SBNO2: variants seen among roughly 807,000 people sequenced by gnomAD.
SBNO2 encodes strawberry notch homolog 2.
Under a neutral mutation model 146.3 loss-of-function variants are expected in SBNO2, and 89 were observed. That is an observed-to-expected ratio of 0.61 (90% CI 0.51 to 0.73). The LOEUF (loss-of-function observed/expected upper bound fraction) is 0.73. Ranked by LOEUF, SBNO2 falls within the 30% of genes least tolerant of loss-of-function variation. SBNO2 has a pLI of 0.00. For missense variants in SBNO2, 2,092 were observed against 2,003.7 expected (o/e 1.04, Z -0.84); for synonymous variants, 1,147 against 892.6 (o/e 1.29, Z -5.08).
intron 19 of SBNO2, 109 bp downstream of exon 19, chr19:1,113,426 A>T (rs2145197055): frequency 9.9e-7 from 1 of 1,008,482 alleles, no homozygotes; most frequent in Non-Finnish European, 1.4e-6. Flanking sequence ...AGGGCCGCGG[A>T]GACGCAGAGT....
At position 1,119,151 on chromosome 19, in the gene SBNO2, T is replaced by C. The variant is rs1262050839; in HGVS notation, c.1387A>G (p.Met463Val). The change falls in exon 14 of 32, where the codon ATG becomes GTG. Residue 463 changes from methionine to valine, a missense_variant. Physicochemically the swap from Met to Val is conservative, Grantham distance 21. Coordinates refer to ENST00000361757, the MANE Select transcript of SBNO2 (RefSeq NM_014963.3). ...HAIEKRGVGA[M>V]EIVAMDMKVS... ...TTCATGTCCATGGCCACGATCTCCA[T>C]GGCGCCAACGCCCCTGCGGATGGAC... 3 of 1,600,196 alleles carry C rather than the reference T, an allele frequency of 1.9e-6. No individual in the cohort carries two copies. Among genetic ancestry groups the C allele is most frequent in the African/African-American group, 1.3e-5 (1 of 74,794 alleles).
At chr19:1,145,533 G>A (rs2080182030) in intron 4 of SBNO2, among the ~76,000 whole-genome samples, 1 of 151,864 alleles carries the variant, frequency 6.6e-6, no homozygotes, top group Non-Finnish European at 1.5e-5. Context: ...GAAAGAGGCA[G>A]AGAAGGGGTG....
Position 1,158,238 on chromosome 19 carries a change from TCG to T in SBNO2, c.-126-3838_-126-3837del, listed in dbSNP as rs2080310737. On this transcript the variant is annotated intron_variant, in intron 1 of 31. Coordinates refer to ENST00000361757, the MANE Select transcript of SBNO2 (RefSeq NM_014963.3). The surrounding 1 kb of genome is among the most constrained non-coding windows in gnomAD (Gnocchi z 9.9). ...TGAGCACCTGTCGTGTGGAGCCCCT[TCG>T]CGCGCTCCGCCCTCAGACCCGAGCC... 1.3e-5 allele frequency among the ~76,000 whole-genome samples: 2 copies of T among 152,150 alleles called. No homozygotes were observed. The highest frequency in any genetic ancestry group is 4.8e-5 in the African/African-American group (2 of 41,438).
In SBNO2 at chr19:1,122,940, C is replaced by A; in HGVS notation, c.734G>T (p.Gly245Val). 16 of 1,559,518 alleles carry A rather than the reference C, an allele frequency of 1.0e-5. No individual in the cohort carries two copies. Among genetic ancestry groups the A allele is most frequent in the Non-Finnish European group, 1.4e-5 (16 of 1,152,390 alleles). The change falls in exon 8 of 32, where the codon GGG (glycine) becomes GTG (valine). Residue 245 changes from glycine to valine, a missense_variant. Physicochemically the swap from Gly to Val is moderately radical, Grantham distance 109 (BLOSUM62 -3). Transcript: ENST00000361757. ...TYTLALPSDS[G>V]ALSALQLEAI... is the part of the protein sequence containing the mutation. The stretch of plus-strand genomic sequence containing the variant: ...CTCTAGCTGCAGGGCAGACAGGGCC[C>A]CGCTGTCCGAGGGCAGGGCCAGGGT...
At chr19:1,161,628 G>A (rs776549325) in intron 1 of SBNO2, among the ~76,000 whole-genome samples, 6 of 151,722 alleles carry the variant, frequency 4.0e-5, no homozygotes, top group African/African-American at 1.5e-4. Context: ...TCTTGGGCCC[G>A]ATGAAGCGGG....
At chr19:1,164,933 CAGGAGGAGGAGGAGGAGGAA>C in intron 1 of SBNO2, among the ~76,000 whole-genome samples, 1 of 7,476 alleles carries the variant, frequency 1.3e-4, no homozygotes, top group Non-Finnish European at 2.8e-4. Flanking sequence ...GGAGGAGGCA[CAGGAGGAGGAGGAGGAGGAA>C]CAGGAGGAGG....
intron 1 of SBNO2, among the ~76,000 whole-genome samples, chr19:1,169,374 C>A (rs2080456505): frequency 6.6e-6 from 1 of 152,248 alleles, no homozygotes; most frequent in Admixed American, 6.5e-5. Flanking sequence ...AGCTTCAGGG[C>A]CACGCTGCCA....
rs78026836 is a variant in SBNO2 at position 1,111,630 on chromosome 19, G to C, written c.2701-16C>G. The C allele has an allele frequency of 2.8e-3, 4,300 of 1,553,698 alleles. 92 individuals carry two copies. In the African/African-American group the frequency reaches 0.047, roughly 17 times the overall value. ...GGGTGCCATACTAGGGGGAGAAGGT[G>C]ACTCGGGGAGGAGGCCCAGGGAGGA... On this transcript the variant is annotated splice_polypyrimidine_tract_variant and intron_variant, in intron 23 of 31. Transcript: ENST00000361757.
Position 1,123,017 on chromosome 19 carries a change from G to T in SBNO2, c.657C>A (p.Arg219=). 2.5e-6 allele frequency: 4 copies of T among 1,590,106 alleles called. No individual in the cohort carries two copies. Among genetic ancestry groups the T allele is most frequent in the Non-Finnish European group, 3.4e-6 (4 of 1,168,896 alleles). The change falls in exon 8 of 32, where the codon CGC becomes CGA. Residue 219 remains arginine, a synonymous_variant. Coordinates refer to ENST00000361757, the MANE Select transcript of SBNO2 (RefSeq NM_014963.3). ...KSKIGKQHPD[R]VVETSTLSSV... ...TGGACAGTGTGCTGGTCTCCACCACGCGGTCTGGGTGCTGCTTCCCGATCT... is the reference window on the plus strand; with the variant it reads ...TGGACAGTGTGCTGGTCTCCACCACTCGGTCTGGGTGCTGCTTCCCGATCT...
chr19:1,122,799 C>T lies in SBNO2; in HGVS notation c.781-8G>A, dbSNP rs1428525799. 5 of 1,537,950 alleles carry T rather than the reference C, an allele frequency of 3.3e-6. No homozygotes were observed. The highest frequency in any genetic ancestry group is 1.2e-5 in the South Asian group (1 of 83,984). On this transcript the variant is annotated splice_region_variant and splice_polypyrimidine_tract_variant and intron_variant, in intron 8 of 31. Coordinates refer to ENST00000361757, the MANE Select transcript of SBNO2 (RefSeq NM_014963.3). ...GAGCAGGACCTCGTGTTGCTGTTGC[C>T]GGAGAGCAGGCGTCAGGGCCTGGGG...
In SBNO2 at chr19:1,122,654, T is replaced by G. The variant is rs998373664; in HGVS notation, c.914+4A>C. ...CCCGCCCCCTGCCCCAGGCAGGGCC[T>G]CACCACAATGCTTTCTTCCGGCCGC... is the stretch of plus-strand genomic sequence containing the variant. On this transcript the variant is annotated splice_donor_region_variant and intron_variant, in intron 9 of 31. Coordinates refer to ENST00000361757, the MANE Select transcript of SBNO2 (RefSeq NM_014963.3). 4.5e-6 allele frequency: 6 copies of G among 1,329,430 alleles called. No individual in the cohort carries two copies. The African/African-American group carries it at 8.3e-5, about 18-fold the overall frequency. 82.4% of individuals were successfully genotyped at this position (1,329,430 alleles called of 1,614,324 possible).
At chr19:1,119,370 C>T (rs2079871727) in intron 13 of SBNO2, 146 bp downstream of exon 13, 2 of 853,878 alleles carry the variant, frequency 2.3e-6, no homozygotes, top group East Asian at 2.7e-5. Context: ...TGCTGGGCAG[C>T]CCGAGGCAGT....
Position 1,119,627 on chromosome 19 carries a change from G to A in SBNO2, c.1268-6C>T. On this transcript the variant is annotated splice_polypyrimidine_tract_variant and splice_region_variant and intron_variant, in intron 12 of 31. Transcript: ENST00000361757. Reference sequence around the variant, plus strand: ...GTTCCGAGGCTCAGAGGCACCTGTGGGGGGAAGCTGCCGTCAGCTCCCCAA... The same window carrying A: ...GTTCCGAGGCTCAGAGGCACCTGTGAGGGGAAGCTGCCGTCAGCTCCCCAA... 6.2e-7 allele frequency: 1 copy of A among 1,601,446 alleles called. No homozygotes were observed. The highest frequency in any genetic ancestry group is 8.5e-7 in the Non-Finnish European group (1 of 1,173,936).
chr19:1,119,619 C>T lies in SBNO2; in HGVS notation c.1270G>A (p.Ala424Thr). The change falls in exon 13 of 32, where the codon GCC becomes ACC. Residue 424 changes from alanine to threonine, a missense_variant and splice_region_variant. Physicochemically the swap from Ala to Thr is moderately conservative, Grantham distance 58. Transcript: ENST00000361757. ...ARVVYASATG[A>T]SEPRNMIYMS... is the part of the protein sequence containing the mutation. ...TAGATCATGTTCCGAGGCTCAGAGGCACCTGTGGGGGGAAGCTGCCGTCAG... is the reference window on the plus strand; with the variant it reads ...TAGATCATGTTCCGAGGCTCAGAGGTACCTGTGGGGGGAAGCTGCCGTCAG... 6.2e-7 allele frequency: 1 copy of T among 1,605,596 alleles called. No individual in the cohort carries two copies. The highest frequency in any genetic ancestry group is 8.5e-7 in the Non-Finnish European group (1 of 1,176,322).
At position 1,112,827 on chromosome 19, in the gene SBNO2, G is replaced by A. The variant is rs1365369855; in HGVS notation, c.2370C>T (p.Ser790=). The A allele has an allele frequency of 2.5e-6, 4 of 1,572,312 alleles. No homozygotes were observed. The highest frequency in any genetic ancestry group is 2.4e-5 in the East Asian group (1 of 42,312). Residue 790 remains serine, a synonymous_variant, in exon 20 of 32, where the codon AGC becomes AGT. Transcript: ENST00000361757. This position sits in a 1 kb window ranked among gnomAD's most constrained non-coding sequence, Gnocchi z 5.9. The stretch of plus-strand genomic sequence containing the variant: ...CACTGCAGCCCCGCACCTTCTCGCC[G>A]CTCATGAAGCGCTGCTTCTCCCTGA... ...VNLREKQRFM[S]GEKLVAIISE...
Position 1,173,870 on chromosome 19 carries a change from G to C in SBNO2, c.-127+302C>G, listed in dbSNP as rs953499749. Reference sequence around the variant, plus strand: ...GAAGAGCGGGAAGGAAAGGTTGGGAGGGTTGTCGTGGAAGGTAGGGTTAAG... The same window carrying C: ...GAAGAGCGGGAAGGAAAGGTTGGGACGGTTGTCGTGGAAGGTAGGGTTAAG... On this transcript the variant is annotated intron_variant, in intron 1 of 31. Transcript: ENST00000361757. This position sits in a 1 kb window ranked among gnomAD's most constrained non-coding sequence, Gnocchi z 4.7. The C allele has an allele frequency of 6.6e-6, 1 of 151,828 alleles. No individual in the cohort carries two copies. The highest frequency in any genetic ancestry group is 2.1e-4 in the South Asian group (1 of 4,806). The allele number at this position is 151,828 out of a possible 1,614,324, so 9.4% of individuals were successfully genotyped here. A position where few individuals can be genotyped will look rare whatever the true frequency, so the allele number is the denominator to read the frequency against.
At chr19:1,148,338 G>T (rs2080213761) in intron 3 of SBNO2, among the ~76,000 whole-genome samples, 1 of 152,078 alleles carries the variant, frequency 6.6e-6, no homozygotes, top group African/African-American at 2.4e-5. Context: ...CAATCTCCTG[G>T]AGTCTCCCAA....
chr19:1,112,257 A>G lies in SBNO2; in HGVS notation c.2560T>C (p.Phe854Leu). 6.9e-6 allele frequency: 11 copies of G among 1,593,542 alleles called. No individual in the cohort carries two copies. Among genetic ancestry groups the G allele is most frequent in the Non-Finnish European group, 9.4e-6 (11 of 1,170,584 alleles). ...TCCCCGGCCAGCTCCGAGATGAGGA[A>G]GACATACTCTGGCGCGGAGACCTGG... Reference protein sequence around the residue: ...SNQVSAPEYVFLISELAGERR... With the variant: ...SNQVSAPEYVLLISELAGERR... The change falls in exon 22 of 32, where the codon TTC (phenylalanine) becomes CTC (leucine). Residue 854 changes from phenylalanine (F) to leucine (L), a missense_variant. By Grantham distance (22) the Phe-to-Leu change is conservative. Transcript: ENST00000361757. The surrounding 1 kb of genome is among the most constrained non-coding windows in gnomAD (Gnocchi z 5.9).
chr19:1,122,906 G>A lies in SBNO2; in HGVS notation c.768C>T (p.Thr256=), dbSNP rs984473540. The A allele has an allele frequency of 5.8e-6, 9 of 1,550,816 alleles. No individual in the cohort carries two copies. Among genetic ancestry groups the A allele is most frequent in the Admixed American group, 2.0e-5 (1 of 51,222 alleles). ...GACATGCGGTCACCTGGCAGGCGTA[G>A]GTGATGGCCTCTAGCTGCAGGGCAG... ...ALSALQLEAI[T]YACQQHEVLL... is the part of the protein sequence containing the mutation. Residue 256 remains threonine (T), a synonymous_variant, in exon 8 of 32, where the codon ACC becomes ACT. Transcript: ENST00000361757.
Sources: gnomAD v4.1 joint callset for allele counts (sites outside exome capture counted in the v4.1 genomes callset) on GRCh38, gnomAD v4.1.1 for gene constraint, Gnocchi (gnomAD v3.1) non-coding constraint, MANE v1.5 for transcripts, NCBI Gene and HGNC (gene_info 2026-07-23, HGNC 2026-07-21) for gene names.